Variants in NDUFA8 observed in about 807,000 individuals in gnomAD.
The protein encoded by NDUFA8 is NADH dehydrogenase [ubiquinone] 1 alpha subcomplex subunit 8.
A neutral mutation model predicts 20.9 loss-of-function variants in NDUFA8; 16 were observed. That is an observed-to-expected ratio of 0.77 (90% CI 0.52 to 1.16). The LOEUF is 1.16. Ranked by LOEUF, NDUFA8 falls within the 50% of genes most tolerant of loss-of-function variation. The probability of loss-of-function intolerance (pLI) is 0.00; values close to 1 mark genes in which losing one functional copy is unlikely to be tolerated. For synonymous variants in NDUFA8, 70 were observed against 76.1 expected, an observed-to-expected ratio of 0.92 and a Z score of 0.41; for missense variants, 202 against 216.4, an observed-to-expected ratio of 0.93 and a Z score of 0.42.
At chr9:122,153,495 CT>C (rs1290831697) in intron 1 of NDUFA8, among the ~76,000 whole-genome samples, 6 of 152,046 alleles carry the variant, frequency 3.9e-5, no homozygotes, top group Non-Finnish European at 1.5e-5. Flanking sequence ...ACCCCTTTAA[CT>C]ATGCCCACCA....
rs1013344125 is a variant in NDUFA8 at position 122,152,264 on chromosome 9, A to G, written c.196T>C (p.Cys66Arg). Residue 66 changes from cysteine to arginine, a missense_variant, in exon 2 of 4, where the codon TGT (cysteine) becomes CGT (arginine). By Grantham distance (180) the Cys-to-Arg change is radical (BLOSUM62 -3). Transcript: ENST00000373768. ...CLEEGKLVNK[C>R]ALDFFRQIKR... ...TTTTACCTAAAGAAGTCCAAAGCAC[A>G]CTTGTTGACCAGTTTGCCTTCCTCT... The G allele has an allele frequency of 1.9e-6, 3 of 1,614,076 alleles. No individual in the cohort carries two copies. The highest frequency in any genetic ancestry group is 2.7e-5 in the African/African-American group (2 of 74,922).
Position 122,152,334 on chromosome 9 carries a change from C to T in NDUFA8, c.126G>A (p.Glu42=), listed in dbSNP as rs4679. The T allele has an allele frequency of 0.56, 906,824 of 1,613,720 alleles. 266,611 individuals carry two copies. The highest frequency in any genetic ancestry group is 0.61 in the Non-Finnish European group (722,718 of 1,179,872). The change falls in exon 2 of 4, where the codon GAG becomes GAA. Residue 42 remains glutamate (E), a synonymous_variant. Coordinates refer to ENST00000373768, the MANE Select transcript of NDUFA8 (RefSeq NM_014222.3). ...YGAQCDKPNK[E]FMLCRWEEKD... ...TCTCTTCCCAGCGGCAGAGCATAAA[C>T]TCCTTGTTGGGCTTATCACATTGAG...
chr9:122,154,997 G>A (rs1289324401), intron 1 of NDUFA8, among the ~76,000 whole-genome samples: 4 of 152,146 alleles, frequency 2.6e-5, no homozygotes, highest in African/African-American at 9.7e-5. Flanking sequence ...CTGTCACAGT[G>A]TATTATGCTT....
chr9:122,151,735 T>C (rs544325484), intron 2 of NDUFA8, among the ~76,000 whole-genome samples: 3 of 152,366 alleles, frequency 2.0e-5, no homozygotes, highest in African/African-American at 7.2e-5. Flanking sequence ...TCCTTTTAAA[T>C]AGAGTGCTAA....
chr9:122,140,510 G>A (rs917230550), downstream of NDUFA8, among the ~76,000 whole-genome samples: 18 of 152,160 alleles, frequency 1.2e-4, no homozygotes, highest in Non-Finnish European at 2.6e-4. Flanking sequence ...TGGTTTTACA[G>A]CACGTAAAGG....
chr9:122,158,743 A>G (rs7041135), intron 1 of NDUFA8, among the ~76,000 whole-genome samples: 5,471 of 148,480 alleles, frequency 0.037, 125 homozygotes, highest in South Asian at 0.055. Flanking sequence ...CCAATTGTGT[A>G]TATATATATA....
intron 1 of NDUFA8, among the ~76,000 whole-genome samples, chr9:122,154,182 G>A (rs1378366120): frequency 2.6e-5 from 4 of 152,200 alleles, no homozygotes; most frequent in African/African-American, 7.2e-5. Flanking sequence ...CCCAAATTAA[G>A]CTATGGTAAT....
intron 1 of NDUFA8, among the ~76,000 whole-genome samples, chr9:122,158,083 G>A (rs1370541555): frequency 6.6e-6 from 1 of 152,170 alleles, no homozygotes; most frequent in Non-Finnish European, 1.5e-5. Flanking sequence ...AACCCGGGAG[G>A]CGGAGGTTGC....
chr9:122,155,690 AAACT>A (rs1829067457), intron 1 of NDUFA8, among the ~76,000 whole-genome samples: 1 of 152,202 alleles, frequency 6.6e-6, no homozygotes, highest in South Asian at 2.1e-4. Flanking sequence ...AGGAGAATAA[AAACT>A]AACACTCAAA....
In NDUFA8 at chr9:122,159,723, C is replaced by G; in HGVS notation, c.-46G>C. ...CGACGAGAAGCCCTCAGCCGCGTCG[C>G]CCCCGTCTCCTTGAACTCCCCTTTC... On this transcript the variant is annotated 5_prime_UTR_variant, in exon 1 of 4. Coordinates refer to ENST00000373768, the MANE Select transcript of NDUFA8 (RefSeq NM_014222.3). 6.2e-7 allele frequency: 1 copy of G among 1,613,390 alleles called. No homozygotes were observed. Among genetic ancestry groups the G allele is most frequent in the Non-Finnish European group, 8.5e-7 (1 of 1,179,594 alleles).
downstream of NDUFA8, among the ~76,000 whole-genome samples, chr9:122,142,528 G>T (rs564299499): frequency 2.0e-5 from 3 of 152,266 alleles, no homozygotes; most frequent in South Asian, 6.2e-4. Context: ...AACCACGCAT[G>T]GCTTTGAAGA....
chr9:122,145,420 GA>G (rs1289487875), intron 3 of NDUFA8, among the ~76,000 whole-genome samples: 1 of 152,158 alleles, frequency 6.6e-6, no homozygotes, highest in Non-Finnish European at 1.5e-5. Flanking sequence ...TCATTTTAAA[GA>G]TAAAGAAATA....
At position 122,152,296 on chromosome 9, in the gene NDUFA8, C is replaced by A; in HGVS notation, c.164G>T (p.Arg55Leu). The A allele has an allele frequency of 6.2e-7, 1 of 1,614,148 alleles. No individual in the cohort carries two copies. The highest frequency in any genetic ancestry group is 2.2e-5 in the East Asian group (1 of 44,884). ...LCRWEEKDPR[R>L]CLEEGKLVNK... Reference sequence around the variant, plus strand: ...GACCAGTTTGCCTTCCTCTAAACACCGCCTCGGATCTTTCTCTTCCCAGCG... The same window carrying A: ...GACCAGTTTGCCTTCCTCTAAACACAGCCTCGGATCTTTCTCTTCCCAGCG... The change falls in exon 2 of 4, where the codon CGG becomes CTG. Residue 55 changes from arginine to leucine, a missense_variant. Physicochemically the swap from Arg to Leu is moderately radical, Grantham distance 102. Coordinates refer to ENST00000373768, the MANE Select transcript of NDUFA8 (RefSeq NM_014222.3).
chr9:122,140,235 G>T (rs1264364898), downstream of NDUFA8, among the ~76,000 whole-genome samples: 1 of 152,176 alleles, frequency 6.6e-6, no homozygotes, highest in Non-Finnish European at 1.5e-5. Context: ...AAATAAATTT[G>T]CAAATTTCAA....
chr9:122,138,862 A>AGGGGG, the NDUFA8 span, among the ~76,000 whole-genome samples: 1 of 16,876 alleles, frequency 5.9e-5, no homozygotes, highest in Non-Finnish European at 1.3e-4. Flanking sequence ...CACCAAGAAG[A>AGGGGG]GGTGGGGGGG....
In NDUFA8 at chr9:122,155,228, C is replaced by T. The variant is rs188920830; in HGVS notation, c.52-2820G>A. Among the ~76,000 whole-genome samples, 715 of 152,272 alleles carry T rather than the reference C, an allele frequency of 4.7e-3. 1 individual carries two copies. Among genetic ancestry groups the T allele is most frequent in the Non-Finnish European group, 5.8e-3 (393 of 68,014 alleles). On this transcript the variant is annotated intron_variant, in intron 1 of 3. Coordinates refer to ENST00000373768, the MANE Select transcript of NDUFA8 (RefSeq NM_014222.3). ...CTGAGTAGCTGGGATTACAGGCATG[C>T]GCCACCACACCCGGCTAATTTTGTA...
chr9:122,145,291 G>A (rs1426364580), intron 3 of NDUFA8, among the ~76,000 whole-genome samples: 2 of 152,216 alleles, frequency 1.3e-5, no homozygotes, highest in East Asian at 3.8e-4. Flanking sequence ...GGGGAGCTGA[G>A]CCAATAAGCC....
chr9:122,158,771 C>T (rs1002080627), intron 1 of NDUFA8, among the ~76,000 whole-genome samples: 1 of 148,110 alleles, frequency 6.8e-6, no homozygotes, highest in Non-Finnish European at 1.5e-5. Flanking sequence ...TATATATACA[C>T]ACCAATTGTG....
At chr9:122,150,473 C>T (rs1828978139) in intron 2 of NDUFA8, among the ~76,000 whole-genome samples, 1 of 147,468 alleles carries the variant, frequency 6.8e-6, no homozygotes, top group Non-Finnish European at 1.5e-5. Flanking sequence ...ATGTTCAAAG[C>T]CCTTTATAGA....
Sources: allele counts gnomAD v4.1 joint callset (sites outside exome capture counted in the v4.1 genomes callset), GRCh38; gene constraint gnomAD v4.1.1; transcripts MANE v1.5; gene names NCBI Gene and HGNC (gene_info 2026-07-23, HGNC 2026-07-21).